The following C1QTNF6 variants were observed in gnomAD, a reference collection of about 807,000 sequenced individuals.
C1QTNF6 encodes C1q and TNF related 6.
A neutral mutation model predicts 20.7 loss-of-function variants in C1QTNF6; 17 were observed. The ratio of observed to expected loss-of-function variants is 0.82; its 90% CI spans 0.56 to 1.23. The LOEUF (loss-of-function observed/expected upper bound fraction) is 1.23, where lower values mean the gene tolerates loss of function less well. Among genes scored for constraint, C1QTNF6 ranks in the 50% most tolerant of loss-of-function variants. C1QTNF6 has a pLI of 0.00. For synonymous variants in C1QTNF6, 130 were observed against 156.3 expected (o/e 0.83, Z 1.25); for missense variants, 329 against 389.7 (o/e 0.84, Z 1.31).
intron 1 of C1QTNF6, chr22:37,186,102 C>G: frequency 3.0e-6 from 3 of 985,542 alleles, no homozygotes; most frequent in Middle Eastern, 5.2e-4. Context: ...AAGCAACGTC[C>G]ATGAGAGCAT....
Position 37,185,511 on chromosome 22 carries a change from C to G in C1QTNF6, c.52-56G>C, listed in dbSNP as rs570722788. ...ACTTCACTCAACATCTACTATGTGC[C>G]GATGCCTGGGGTGGGCGGGTGCTGC... On this transcript the variant is annotated intron_variant, in intron 1 of 2. Coordinates refer to ENST00000337843, the MANE Select transcript of C1QTNF6 (RefSeq NM_031910.4). 7 of 1,491,602 alleles carry G rather than the reference C, an allele frequency of 4.7e-6. No individual in the cohort carries two copies. The Middle Eastern group carries it at 5.3e-4, about 114-fold the overall frequency. 92.4% of individuals were successfully genotyped at this position (1,491,602 alleles called of 1,614,324 possible).
At chr22:37,192,533 A>G (rs1264494381), upstream of C1QTNF6, among the ~76,000 whole-genome samples, 1 of 152,220 alleles carries the variant, frequency 6.6e-6, no homozygotes, top group Non-Finnish European at 1.5e-5. Context: ...GCAGTTTATG[A>G]CCTTGAGGCA....
chr22:37,188,280 C>G, upstream of C1QTNF6: 1 of 1,323,004 alleles, frequency 7.6e-7, no homozygotes, highest in Non-Finnish European at 1.0e-6. Context: ...CCAGGCCCAG[C>G]AGAGGAGGGA....
upstream of C1QTNF6, among the ~76,000 whole-genome samples, chr22:37,189,659 A>C (rs181200590): frequency 3.0e-3 from 451 of 152,326 alleles, 6 homozygotes; most frequent in African/African-American, 9.3e-3. Flanking sequence ...GTGTGTTCAG[A>C]GTCATTTGTA....
rs1924091597 is a variant in C1QTNF6 at position 37,184,449 on chromosome 22, G to A, written c.289+769C>T. The A allele has an allele frequency of 1.4e-6, 1 of 716,670 alleles. No homozygotes were observed. The highest frequency in any genetic ancestry group is 2.0e-5 in the Admixed American group (1 of 49,956). 44.4% of individuals were successfully genotyped at this position (716,670 alleles called of 1,614,324 possible). On this transcript the variant is annotated intron_variant, in intron 2 of 2. Coordinates refer to ENST00000337843, the MANE Select transcript of C1QTNF6 (RefSeq NM_031910.4). This position sits in a 1 kb window ranked among gnomAD's most constrained non-coding sequence, Gnocchi z 4.0. ...AGTCCTTCCACGTCCTATTGAGAGA[G>A]CGGGTAGCCAGCCCGCACCTGGACG...
chr22:37,189,770 C>T (rs1601635805), upstream of C1QTNF6, among the ~76,000 whole-genome samples: 1 of 152,194 alleles, frequency 6.6e-6, no homozygotes, highest in East Asian at 1.9e-4. Flanking sequence ...AAGAGTATAG[C>T]AGCAATATAT....
Position 37,186,852 on chromosome 22 carries a change from A to T in C1QTNF6, c.51+1311T>A, listed in dbSNP as rs1428309934. On this transcript the variant is annotated intron_variant, in intron 1 of 2. Coordinates refer to ENST00000337843, the MANE Select transcript of C1QTNF6 (RefSeq NM_031910.4). ...TTTTTTGTGGTTAATACATGTAGAC[A>T]AGGTACAATTATTACTTTTTAAAAT... Among the ~76,000 whole-genome samples, 4 of 152,172 alleles carry T rather than the reference A, an allele frequency of 2.6e-5. No homozygotes were observed. In the East Asian group the frequency reaches 7.7e-4, roughly 29 times the overall value.
chr22:37,198,785 G>C (rs4140871), upstream of C1QTNF6, among the ~76,000 whole-genome samples: 4 of 138,340 alleles, frequency 2.9e-5, no homozygotes, highest in East Asian at 2.1e-4. Flanking sequence ...CCAAACCCCC[G>C]CAGTCCCCGC....
chr22:37,190,767 C>T (rs1924768923), upstream of C1QTNF6: 1 of 151,552 alleles, frequency 6.6e-6, no homozygotes, highest in Admixed American at 6.6e-5. Flanking sequence ...GTTAAGAACA[C>T]TCACAAATAG....
rs1179759008 is a variant in C1QTNF6 at position 37,188,147 on chromosome 22, G to A, written c.51+16C>T. 6.2e-7 allele frequency: 1 copy of A among 1,603,336 alleles called. No individual in the cohort carries two copies. Among genetic ancestry groups the A allele is most frequent in the South Asian group, 1.1e-5 (1 of 89,656 alleles). On this transcript the variant is annotated intron_variant, in intron 1 of 2. Coordinates refer to ENST00000337843, the MANE Select transcript of C1QTNF6 (RefSeq NM_031910.4). ...TGACCCCAGCCCCCAAGCTTGAGGA[G>A]CCTCTGGTCACTCACCCTGTGTCCT...
upstream of C1QTNF6, chr22:37,190,684 C>CA (rs1192360443): frequency 1.1e-3 from 124 of 116,102 alleles, no homozygotes; most frequent in African/African-American, 1.7e-3. Context: ...TGTCCTGTTA[C>CA]AAAAAAAAAA....
Position 37,182,174 on chromosome 22 carries a change from T to A in C1QTNF6, c.*14A>T, listed in dbSNP as rs916235. On this transcript the variant is annotated 3_prime_UTR_variant, in exon 3 of 3. Coordinates refer to ENST00000337843, the MANE Select transcript of C1QTNF6 (RefSeq NM_031910.4). Reference sequence around the variant, plus strand: ...CACCTGAGCTCTCCAGCCGGGAGGGTGGCCCAGAGGCCCTCAGTCGTCCTC... The same window carrying A: ...CACCTGAGCTCTCCAGCCGGGAGGGAGGCCCAGAGGCCCTCAGTCGTCCTC... 1.9e-6 allele frequency: 3 copies of A among 1,595,558 alleles called. No homozygotes were observed. The African/African-American group carries it at 4.0e-5, about 21-fold the overall frequency.
rs1004725492 is a variant in C1QTNF6, at chr22:37,181,656, C to G, written c.*532G>C. 1 of 153,802 alleles carries G rather than the reference C, an allele frequency of 6.5e-6. No homozygotes were observed. Among genetic ancestry groups the G allele is most frequent in the Non-Finnish European group, 1.4e-5 (1 of 69,258 alleles). The allele number at this position is 153,802 out of a possible 1,614,324, so 9.5% of individuals were successfully genotyped here. A position where few individuals can be genotyped will look rare whatever the true frequency, so the allele number is the denominator to read the frequency against. On this transcript the variant is annotated 3_prime_UTR_variant, in exon 3 of 3. Transcript: ENST00000337843. ...TGAACTGAGATTGCACCACTGCACT[C>G]TAGCCTGGGCAACAGAGCAAGACTC... is the stretch of plus-strand genomic sequence containing the variant.
chr22:37,193,760 A>G (rs1275681660), intron 2 of C1QTNF6, among the ~76,000 whole-genome samples: 1 of 152,246 alleles, frequency 6.6e-6, no homozygotes, highest in Non-Finnish European at 1.5e-5. Flanking sequence ...TACGAGATCT[A>G]GAATCGCCAA....
chr22:37,192,435 C>T (rs1436826317), upstream of C1QTNF6, among the ~76,000 whole-genome samples: 3 of 150,806 alleles, frequency 2.0e-5, no homozygotes, highest in African/African-American at 7.4e-5. Context: ...TAGCTGGGGG[C>T]ATGGCTAACT....
upstream of C1QTNF6, chr22:37,190,405 C>T (rs1264723562): frequency 3.3e-5 from 5 of 152,174 alleles, no homozygotes; most frequent in Non-Finnish European, 1.5e-5. Context: ...CCTATGCCTG[C>T]AAGAACCTGT....
chr22:37,183,534 C>T (rs918789961), intron 2 of C1QTNF6, among the ~76,000 whole-genome samples: 4 of 152,236 alleles, frequency 2.6e-5, no homozygotes, highest in African/African-American at 7.2e-5. Context: ...TGACCACCCA[C>T]GCCTGGAGGG....
chr22:37,186,555 T>C (rs1249234597), intron 1 of C1QTNF6, among the ~76,000 whole-genome samples: 10 of 152,238 alleles, frequency 6.6e-5, no homozygotes, highest in African/African-American at 2.4e-4. Context: ...GGTGAGGATC[T>C]GTCTCTGGCC....
chr22:37,192,490 A>C (rs1029647945), upstream of C1QTNF6, among the ~76,000 whole-genome samples: 1 of 152,242 alleles, frequency 6.6e-6, no homozygotes, highest in Non-Finnish European at 1.5e-5. Context: ...GCCCCAAAGC[A>C]GGTAAGCTGG....
Sources: gnomAD v4.1 joint callset for allele counts (sites outside exome capture counted in the v4.1 genomes callset) on GRCh38, gnomAD v4.1.1 for gene constraint, Gnocchi (gnomAD v3.1) non-coding constraint, MANE v1.5 for transcripts, NCBI Gene and HGNC (gene_info 2026-07-23, HGNC 2026-07-21) for gene names.